The following FBXO41 variants were observed in gnomAD, a reference collection of about 807,000 sequenced individuals.
The protein encoded by FBXO41 is F-box protein 41.
Under a neutral mutation model 81.6 loss-of-function variants are expected in FBXO41, and 33 were observed. That is an observed-to-expected ratio of 0.40 (90% CI 0.31 to 0.54). The LOEUF (loss-of-function observed/expected upper bound fraction) is 0.54. FBXO41 is among the 20% of genes least tolerant of loss of function. FBXO41 has a pLI of 0.39. For missense variants in FBXO41, 1,107 were observed against 1,236.0 expected, an observed-to-expected ratio of 0.90 and a Z score of 1.56; for synonymous variants, 576 against 552.7, an observed-to-expected ratio of 1.04 and a Z score of -0.59.
chr2:73,265,556 C>A lies in FBXO41; in HGVS notation c.1290G>T (p.Gly430=). 1 of 1,581,094 alleles carries A rather than the reference C, an allele frequency of 6.3e-7. No individual in the cohort carries two copies. The highest frequency in any genetic ancestry group is 8.6e-7 in the Non-Finnish European group (1 of 1,164,918). Residue 430 remains glycine, a synonymous_variant, in exon 5 of 13, where the codon GGG becomes GGT. Coordinates refer to ENST00000520530, the MANE Select transcript of FBXO41 (RefSeq NM_001371389.2). ...DSLELPRPEE[G]APEDSGPGGL... is the part of the protein sequence containing the mutation. ...CCCCAGGGCCACTGTCCTCAGGGGCCCCCTCCTCTGGCCTGGGCAGCTCCA... is the reference window on the plus strand; with the variant it reads ...CCCCAGGGCCACTGTCCTCAGGGGCACCCTCCTCTGGCCTGGGCAGCTCCA...
chr2:73,279,869 C>T (rs1688797228), intron 1 of FBXO41, among the ~76,000 whole-genome samples: 2 of 152,100 alleles, frequency 1.3e-5, no homozygotes, highest in Non-Finnish European at 1.5e-5. Flanking sequence ...GCCCGAGGCA[C>T]GAATAATTCA....
intron 9 of FBXO41, among the ~76,000 whole-genome samples, 161 bp from the exon 10 acceptor site, chr2:73,261,019 A>G (rs1688004454): frequency 1.3e-5 from 2 of 150,420 alleles, no homozygotes; most frequent in African/African-American, 2.4e-5. Flanking sequence ...CTCTGCCCTC[A>G]TCTCATCCAC....
rs1688418674 is a variant in FBXO41, at chr2:73,269,527, T to C, written c.104A>G (p.Tyr35Cys). The stretch of plus-strand genomic sequence containing the variant: ...CTTGGAGAGGATGTAGAGCGTCTCG[T>C]AGGTGTGGCTGTACTCCAGGTGCGC... ...LRAHLEYSHTYETLYILSKTN... is the reference protein window; with the variant it reads ...LRAHLEYSHTCETLYILSKTN... The change falls in exon 2 of 13, where the codon TAC becomes TGC. Residue 35 changes from tyrosine to cysteine, a missense_variant. Physicochemically the swap from Tyr to Cys is radical, Grantham distance 194. Coordinates refer to ENST00000520530, the MANE Select transcript of FBXO41 (RefSeq NM_001371389.2). This position sits in a 1 kb window ranked among gnomAD's most constrained non-coding sequence, Gnocchi z 7.0. The C allele has an allele frequency of 1.5e-6, 2 of 1,366,468 alleles. No individual in the cohort carries two copies. The highest frequency in any genetic ancestry group is 1.5e-5 in the African/African-American group (1 of 64,958). 84.6% of individuals were successfully genotyped at this position (1,366,468 alleles called of 1,614,324 possible). A position where few individuals can be genotyped will look rare whatever the true frequency, so the allele number is the denominator to read the frequency against.
Position 73,265,262 on chromosome 2 carries a change from C to A in FBXO41, c.1564+20G>T. ...ACTGCCTCAGACCTGTGTCCCCCTG[C>A]CCAGCCTTCCGGGACCTACCTGAGA... On this transcript the variant is annotated intron_variant, in intron 5 of 12. Coordinates refer to ENST00000520530, the MANE Select transcript of FBXO41 (RefSeq NM_001371389.2). 6.3e-7 allele frequency: 1 copy of A among 1,576,398 alleles called. No homozygotes were observed.
rs1688112402 is a variant in FBXO41 at position 73,263,758 on chromosome 2, G to A, written c.1995C>T (p.Ser665=). ...AGGNLLILRI[S]HCPNILTDRS... Reference sequence around the variant, plus strand: ...GGTCGGTGAGGATGTTTGGACAGTGGGAGATGCGCAGGATCAGCAGGTTCC... The same window carrying A: ...GGTCGGTGAGGATGTTTGGACAGTGAGAGATGCGCAGGATCAGCAGGTTCC... Residue 665 remains serine, a synonymous_variant, in exon 8 of 13, where the codon TCC becomes TCT. Transcript: ENST00000520530. 4 of 1,614,044 alleles carry A rather than the reference G, an allele frequency of 2.5e-6. No homozygotes were observed. Among genetic ancestry groups the A allele is most frequent in the Non-Finnish European group, 3.4e-6 (4 of 1,179,898 alleles).
intron 1 of FBXO41, among the ~76,000 whole-genome samples, chr2:73,273,922 C>T (rs1487906942): frequency 6.6e-6 from 1 of 152,212 alleles, no homozygotes; most frequent in Non-Finnish European, 1.5e-5. Flanking sequence ...ACTGTCCTCC[C>T]AGCCACAGCA....
intron 1 of FBXO41, among the ~76,000 whole-genome samples, chr2:73,278,189 C>CCATG (rs1688750094): frequency 6.6e-6 from 1 of 152,124 alleles, no homozygotes; most frequent in African/African-American, 2.4e-5. Context: ...TGGAGAAAGC[C>CCATG]CATGCATGGT....
In FBXO41 at chr2:73,260,414, G is replaced by A; in HGVS notation, c.2424C>T (p.Thr808=). Residue 808 remains threonine, a synonymous_variant, in exon 11 of 13, where the codon ACC becomes ACT. Coordinates refer to ENST00000520530, the MANE Select transcript of FBXO41 (RefSeq NM_001371389.2). The surrounding 1 kb of genome is among the most constrained non-coding windows in gnomAD (Gnocchi z 5.0). Reference sequence around the variant, plus strand: ...TGTTGAAGTGCAGTAGGGCCTTAGGGGTGACGGGAGTCGCCGTGAGCACCA... The same window carrying A: ...TGTTGAAGTGCAGTAGGGCCTTAGGAGTGACGGGAGTCGCCGTGAGCACCA... ...EMLVLTATPV[T]PKALLHFNSI... is the part of the protein sequence containing the mutation. 2.5e-6 allele frequency: 4 copies of A among 1,612,512 alleles called. No individual in the cohort carries two copies. The highest frequency in any genetic ancestry group is 3.4e-6 in the Non-Finnish European group (4 of 1,179,372).
intron 1 of FBXO41, among the ~76,000 whole-genome samples, chr2:73,270,278 G>A (rs967404351): frequency 1.3e-5 from 2 of 152,146 alleles, no homozygotes; most frequent in African/African-American, 4.8e-5. Flanking sequence ...GACTAGGAAG[G>A]GGCAGGAGGC....
Position 73,268,982 on chromosome 2 carries a change from G to A in FBXO41, c.649C>T (p.Arg217Trp). 1 of 1,538,868 alleles carries A rather than the reference G, an allele frequency of 6.5e-7. No homozygotes were observed. Among genetic ancestry groups the A allele is most frequent in the Non-Finnish European group, 8.7e-7 (1 of 1,146,382 alleles). Residue 217 changes from arginine (R) to tryptophan (W), a missense_variant, in exon 2 of 13, where the codon CGG (arginine) becomes TGG (tryptophan). Physicochemically the swap from Arg to Trp is moderately radical, Grantham distance 101. Transcript: ENST00000520530. ...IRALEKLEVD[R>W]RLERLSEEVE... ...TCCTCGCTCAGCCGCTCCAGCCGCC[G>A]GTCCACCTCCAGCTTCTCCAGCGCG...
chr2:73,270,650 C>T (rs1397234771), intron 1 of FBXO41, among the ~76,000 whole-genome samples: 1 of 152,134 alleles, frequency 6.6e-6, no homozygotes, highest in Non-Finnish European at 1.5e-5. Context: ...CCTGCCTTTA[C>T]CCCAAGGGCT....
rs1687941396 is a variant in FBXO41, at chr2:73,259,822, T to C, written c.2450-526A>G. The stretch of plus-strand genomic sequence containing the variant: ...TGGTGGTAAAGTCCAGGGTATCCCA[T>C]GTGGCTGAAGGGGGAGGAAGGTCTT... On this transcript the variant is annotated intron_variant, in intron 11 of 12. Transcript: ENST00000520530. This position sits in a 1 kb window ranked among gnomAD's most constrained non-coding sequence, Gnocchi z 4.2. Among the ~76,000 whole-genome samples, 1 of 152,022 alleles carries C rather than the reference T, an allele frequency of 6.6e-6. No homozygotes were observed.
intron 1 of FBXO41, among the ~76,000 whole-genome samples, chr2:73,275,566 C>T (rs556908523): frequency 6.0e-4 from 92 of 152,238 alleles, no homozygotes; most frequent in African/African-American, 2.0e-3. Flanking sequence ...CCATTATAGA[C>T]ATTTTCACAC....
At position 73,258,666 on chromosome 2, in the gene FBXO41, A is replaced by G; in HGVS notation, c.*316T>C. 2.9e-6 allele frequency: 1 copy of G among 350,788 alleles called. No homozygotes were observed. The allele number at this position is 350,788 out of a possible 1,614,324, so 21.7% of individuals were successfully genotyped here. A position where few individuals can be genotyped will look rare whatever the true frequency, so the allele number is the denominator to read the frequency against. The stretch of plus-strand genomic sequence containing the variant: ...TGAGGAGCCACTGGGTGGTTATTGC[A>G]GATCCTCCAGGTGATGACACCAGGC... On this transcript the variant is annotated 3_prime_UTR_variant, in exon 13 of 13. Transcript: ENST00000520530.
chr2:73,269,181 G>A lies in FBXO41; in HGVS notation c.450C>T (p.Ile150=), dbSNP rs1247635129. The change falls in exon 2 of 13, where the codon ATC becomes ATT. Residue 150 remains isoleucine (I), a synonymous_variant. Coordinates refer to ENST00000520530, the MANE Select transcript of FBXO41 (RefSeq NM_001371389.2). The surrounding 1 kb of genome is among the most constrained non-coding windows in gnomAD (Gnocchi z 7.0). ...AAAARYALRE[I]EIPLGELFAR... is the part of the protein sequence containing the mutation. ...CGAACAGCTCCCCCAGCGGGATCTC[G>A]ATCTCGCGCAGCGCATAGCGCGCTG... is the stretch of plus-strand genomic sequence containing the variant. 6.5e-6 allele frequency: 10 copies of A among 1,527,706 alleles called. No homozygotes were observed. Among genetic ancestry groups the A allele is most frequent in the Non-Finnish European group, 8.8e-6 (10 of 1,141,460 alleles). 94.6% of individuals were successfully genotyped at this position (1,527,706 alleles called of 1,614,324 possible).
At chr2:73,268,696 C>A (rs1688368144) in intron 2 of FBXO41, 30 bp downstream of exon 2, 7 of 1,493,592 alleles carry the variant, frequency 4.7e-6, no homozygotes, top group Non-Finnish European at 6.3e-6. Context: ...ACAGGCACAA[C>A]CACTCACAGG....
In FBXO41 at chr2:73,266,175, T is replaced by C. The variant is rs13021769; in HGVS notation, c.1132-209A>G. Among the ~76,000 whole-genome samples the C allele has an allele frequency of 0.33, 50,634 of 151,978 alleles. 10,192 individuals are homozygous for C. The highest frequency in any genetic ancestry group is 0.56 in the African/African-American group (23,142 of 41,420). ...CCCTCCCCACACCCACACAATACCC[T>C]GGACCCCAGCTTGTGGCTCCTGGAC... is the stretch of plus-strand genomic sequence containing the variant. On this transcript the variant is annotated intron_variant, in intron 3 of 12. Coordinates refer to ENST00000520530, the MANE Select transcript of FBXO41 (RefSeq NM_001371389.2). This position sits in a 1 kb window ranked among gnomAD's most constrained non-coding sequence, Gnocchi z 5.3.
In FBXO41 at chr2:73,258,961, CCCTGCCGCCCCCT is replaced by C; in HGVS notation, c.*8_*20del. 1 of 1,556,404 alleles carries C rather than the reference CCCTGCCGCCCCCT, an allele frequency of 6.4e-7. No homozygotes were observed. The highest frequency in any genetic ancestry group is 8.7e-7 in the Non-Finnish European group (1 of 1,150,944). ...TGCCCTGGTGTGGGGCTGGCAGGGG[CCCTGCCGCCCCCT>C]ACCCGGGTTAGCAGCCGCCTTCCAC... On this transcript the variant is annotated 3_prime_UTR_variant, in exon 13 of 13. Transcript: ENST00000520530.
chr2:73,271,588 G>A (rs1432366280), intron 1 of FBXO41: 1 of 149,882 alleles, frequency 6.7e-6, no homozygotes, highest in East Asian at 2.0e-4. Context: ...TGAGAGCCTG[G>A]CCTGTTCAGT....
Sources: allele counts gnomAD v4.1 joint callset (sites outside exome capture counted in the v4.1 genomes callset), GRCh38; gene constraint gnomAD v4.1.1; non-coding constraint Gnocchi (gnomAD v3.1); transcripts MANE v1.5; gene names NCBI Gene and HGNC (gene_info 2026-07-23, HGNC 2026-07-21).